The following GLIS1 variants were observed in gnomAD, a reference collection of about 807,000 sequenced individuals.
GLIS1 encodes the protein GLIS family zinc finger 1.
In GLIS1, 24 loss-of-function variants were observed where a neutral mutation model predicts 63.8. The ratio of observed to expected loss-of-function variants is 0.38; its 90% confidence interval spans 0.27 to 0.53. The LOEUF is 0.53. GLIS1 is among the 20% of genes least tolerant of loss of function. GLIS1 has a pLI of 0.85. For synonymous variants in GLIS1, 450 were observed against 482.5 expected (o/e 0.93, Z 0.88); for missense variants, 1,036 against 1,074.1 (o/e 0.96, Z 0.50).
In GLIS1 at chr1:53,703,689, T is replaced by G. The variant is rs938028608; in HGVS notation, c.259+34117A>C. Among the ~76,000 whole-genome samples the G allele has an allele frequency of 2.2e-5, 3 of 133,914 alleles. No individual in the cohort carries two copies. In the East Asian group the frequency reaches 6.8e-4, roughly 30 times the overall value. The allele number at this position is 133,914 out of a possible 152,430, so 87.9% of individuals were successfully genotyped here. On this transcript the variant is annotated intron_variant, in intron 2 of 10. Coordinates refer to ENST00000628545, the MANE Select transcript of GLIS1 (RefSeq NM_001367484.1). The stretch of plus-strand genomic sequence containing the variant: ...ATGAGTCCTTACTTTTCCAAATAGA[T>G]CAAGGCAATAGGACAGCCCTTGACC...
At position 53,594,265 on chromosome 1, in the gene GLIS1, A is replaced by C. The variant is rs1334333063; in HGVS notation, c.1163T>G (p.Val388Gly). ...GATGTGGCTCTTCTCGATGTGCCGC[A>C]CCAGCTCCTCCTGCTGCTCATAGGC... ...CAAYEQQEEL[V>G]RHIEKSHIDQ... is the part of the protein sequence containing the mutation. The change falls in exon 4 of 11, where the codon GTG becomes GGG. Residue 388 changes from valine to glycine, a missense_variant. Val to Gly is a moderately radical substitution (Grantham distance 109, BLOSUM62 -3). This residue lies in a region of GLIS1 where 592 missense variants were observed against 593.9 expected (regional missense o/e 1.00). Transcript: ENST00000628545. The C allele has an allele frequency of 6.2e-7, 1 of 1,613,434 alleles. No individual in the cohort carries two copies. The highest frequency in any genetic ancestry group is 8.5e-7 in the Non-Finnish European group (1 of 1,179,960).
chr1:53,530,315 G>C (rs1011489547), intron 4 of GLIS1, among the ~76,000 whole-genome samples: 1 of 152,220 alleles, frequency 6.6e-6, no homozygotes, highest in Non-Finnish European at 1.5e-5. Flanking sequence ...CCAGCACAGA[G>C]AGCTGAAATA....
intron 2 of GLIS1, among the ~76,000 whole-genome samples, chr1:53,678,440 T>G (rs2100420001): frequency 6.6e-6 from 1 of 151,668 alleles, no homozygotes; most frequent in East Asian, 1.9e-4. Flanking sequence ...TTAGATCACT[T>G]GCCTGGCATC....
At chr1:53,570,264 G>A (rs947399884) in intron 4 of GLIS1, among the ~76,000 whole-genome samples, 3 of 149,646 alleles carry the variant, frequency 2.0e-5, no homozygotes, top group Non-Finnish European at 4.4e-5. Flanking sequence ...CTACAGGCGA[G>A]CACCATTCTT....
chr1:53,697,762 C>T (rs954231868), intron 2 of GLIS1, among the ~76,000 whole-genome samples: 5 of 152,252 alleles, frequency 3.3e-5, no homozygotes, highest in African/African-American at 1.2e-4. Context: ...ATCCTAGCAA[C>T]AACCTAGGAG....
chr1:53,659,715 C>A (rs920015372), intron 2 of GLIS1, among the ~76,000 whole-genome samples: 10 of 152,230 alleles, frequency 6.6e-5, no homozygotes, highest in African/African-American at 2.4e-4. Flanking sequence ...CCTGGACCCA[C>A]CCCCACCAGC....
intron 4 of GLIS1, among the ~76,000 whole-genome samples, chr1:53,555,743 C>A (rs929201704): frequency 6.6e-6 from 1 of 151,994 alleles, no homozygotes; most frequent in Non-Finnish European, 1.5e-5. Flanking sequence ...TGTGTGTATG[C>A]AGGTGTACTG....
intron 4 of GLIS1, among the ~76,000 whole-genome samples, chr1:53,573,666 A>G (rs1645005554): frequency 6.6e-6 from 1 of 152,194 alleles, no homozygotes; most frequent in Non-Finnish European, 1.5e-5. Flanking sequence ...ACACGCACAC[A>G]CACATGCACA....
At chr1:53,698,567 G>T (rs567911355) in intron 2 of GLIS1, among the ~76,000 whole-genome samples, 2 of 152,334 alleles carry the variant, frequency 1.3e-5, no homozygotes, top group African/African-American at 4.8e-5. Context: ...CCCCATCAGG[G>T]GTGAGATATT....
intron 2 of GLIS1, among the ~76,000 whole-genome samples, chr1:53,633,072 C>A (rs1645681973): frequency 9.3e-6 from 1 of 107,992 alleles, no homozygotes. Flanking sequence ...ATGAGTGTGG[C>A]TGAGGGGCGT....
intron 4 of GLIS1, among the ~76,000 whole-genome samples, chr1:53,580,041 G>A (rs2100492579): frequency 6.6e-6 from 1 of 152,326 alleles, no homozygotes; most frequent in South Asian, 2.1e-4. Context: ...TGATGAATAA[G>A]GGATCAGGTA....
chr1:53,548,329 C>A (rs1159931783), intron 4 of GLIS1, among the ~76,000 whole-genome samples: 1 of 152,224 alleles, frequency 6.6e-6, no homozygotes, highest in Non-Finnish European at 1.5e-5. Flanking sequence ...CTGCACACAG[C>A]ACTGAGTGAG....
At chr1:53,710,674 T>C (rs1021224026) in intron 2 of GLIS1, among the ~76,000 whole-genome samples, 12 of 152,126 alleles carry the variant, frequency 7.9e-5, no homozygotes, top group African/African-American at 2.9e-4. Flanking sequence ...GGAGAACCCC[T>C]GGGATGCACT....
At chr1:53,708,849 G>A (rs892677795) in intron 2 of GLIS1, among the ~76,000 whole-genome samples, 1 of 152,128 alleles carries the variant, frequency 6.6e-6, no homozygotes, top group Non-Finnish European at 1.5e-5. Context: ...GTGCATACCT[G>A]TCTCACCTCC....
intron 6 of GLIS1, 137 bp from the exon 7 acceptor site, chr1:53,520,903 T>TTTCACAGATGGGGAA: frequency 1.1e-6 from 1 of 942,696 alleles, no homozygotes; most frequent in Non-Finnish European, 1.5e-6. Context: ...CAGTTCCCCA[T>TTTCACAGATGGGGAA]CTGTGAAATG....
At chr1:53,517,121 G>A (rs1405526322) in intron 7 of GLIS1, among the ~76,000 whole-genome samples, 1 of 152,076 alleles carries the variant, frequency 6.6e-6, no homozygotes, top group Non-Finnish European at 1.5e-5. Context: ...AAGTCACAGA[G>A]TAGGCGGCTC....
intron 2 of GLIS1, among the ~76,000 whole-genome samples, chr1:53,708,738 T>C (rs2100515047): frequency 6.6e-6 from 1 of 152,208 alleles, no homozygotes; most frequent in South Asian, 2.1e-4. Context: ...CCCCAGGAAG[T>C]TCTCCCTGGC....
At chr1:53,737,671 A>T in intron 2 of GLIS1, 135 bp downstream of exon 2, 1 of 836,296 alleles carries the variant, frequency 1.2e-6, no homozygotes, top group Non-Finnish European at 1.6e-6. Context: ...CTGACAAGCT[A>T]GTCCCAAACA....
rs1246573833 is a variant in GLIS1, at chr1:53,594,113, A to C, written c.1315T>G (p.Cys439Gly). The change falls in exon 4 of 11, where the codon TGC becomes GGC. Residue 439 changes from cysteine (C) to glycine (G), a missense_variant. Around this residue, in one of 3 missense-constraint regions of GLIS1, gnomAD observed 592 missense variants for 593.9 expected, o/e 1.00. Coordinates refer to ENST00000628545, the MANE Select transcript of GLIS1 (RefSeq NM_001367484.1). ...RVHSGEKPNK[C>G]MFEGCSKAFS... ...GGCGGCCGGTGGGAACTCACCATGCACTTGTTGGGCTTCTCGCCCGAGTGC... is the reference window on the plus strand; with the variant it reads ...GGCGGCCGGTGGGAACTCACCATGCCCTTGTTGGGCTTCTCGCCCGAGTGC... 2 of 1,607,744 alleles carry C rather than the reference A, an allele frequency of 1.2e-6. No individual in the cohort carries two copies. The highest frequency in any genetic ancestry group is 2.7e-5 in the African/African-American group (2 of 74,792).
Sources: allele counts gnomAD v4.1 joint callset (sites outside exome capture counted in the v4.1 genomes callset), GRCh38; gene constraint gnomAD v4.1.1; regional missense constraint gnomAD v4.1.1; transcripts MANE v1.5; gene names NCBI Gene and HGNC (gene_info 2026-07-23, HGNC 2026-07-21).